ARNT: variants seen among roughly 807,000 people sequenced by gnomAD.
ARNT encodes the protein aryl hydrocarbon receptor nuclear translocator.
ARNT carries 30 observed loss-of-function variants against 105.0 expected under a neutral mutation model. The ratio of observed to expected loss-of-function variants is 0.29; its 90% confidence interval spans 0.21 to 0.39. ARNT has a LOEUF of 0.39. Ranked by LOEUF, ARNT falls within the 10% of genes least tolerant of loss-of-function variation. The pLI, the probability that ARNT is intolerant of heterozygous loss-of-function variation, is 1.00. For synonymous variants in ARNT, 304 were observed against 344.0 expected (o/e 0.88, Z 1.29); for missense variants, 748 against 978.7 (o/e 0.76, Z 3.15).
intron 5 of ARNT, among the ~76,000 whole-genome samples, chr1:150,840,172 T>A (rs1661020740): frequency 6.6e-6 from 1 of 151,214 alleles, no homozygotes; most frequent in South Asian, 2.1e-4. Flanking sequence ...ATCTGGGAGG[T>A]GGAGGTTGCA....
rs1271764160 is a variant in ARNT, at chr1:150,816,802, C to T, written c.1788G>A (p.Pro596=). The change falls in exon 18 of 22, where the codon CCG becomes CCA. Residue 596 remains proline, a synonymous_variant. Transcript: ENST00000358595. The stretch of plus-strand genomic sequence containing the variant: ...ACGGGGCTCACCTGAAATTCTCTGC[C>T]GGCCGGGGGGTAGGAGGGAATGTGT... ...QGNTFPPTPR[P]AENFRNSGLA... 2.5e-6 allele frequency: 4 copies of T among 1,580,972 alleles called. No homozygotes were observed. Among genetic ancestry groups the T allele is most frequent in the African/African-American group, 1.4e-5 (1 of 72,382 alleles).
At chr1:150,858,548 A>T in intron 1 of ARNT, 88 bp from the exon 2 acceptor site, 2 of 1,046,966 alleles carry the variant, frequency 1.9e-6, no homozygotes, top group Non-Finnish European at 2.8e-6. Context: ...AGAAAGGTTC[A>T]AGCTATAGAC....
chr1:150,834,696 G>A, intron 7 of ARNT, 56 bp from the exon 8 acceptor site: 1 of 1,478,108 alleles, frequency 6.8e-7, no homozygotes, highest in Non-Finnish European at 9.5e-7. Context: ...GGGGAAGAGG[G>A]GGAGAGATAC....
chr1:150,857,453 C>A (rs1664838996), intron 2 of ARNT, among the ~76,000 whole-genome samples: 1 of 152,182 alleles, frequency 6.6e-6, no homozygotes, highest in South Asian at 2.1e-4. Context: ...TGGTTAAAAT[C>A]TGTAAAGCTA....
intron 12 of ARNT, among the ~76,000 whole-genome samples, chr1:150,826,978 C>T (rs1658418018): frequency 6.6e-6 from 1 of 151,930 alleles, no homozygotes; most frequent in South Asian, 2.1e-4. Context: ...ATCTAACTGG[C>T]CTGGTCCATC....
At position 150,824,340 on chromosome 1, in the gene ARNT, C is replaced by T. The variant is rs16827741; in HGVS notation, c.1243-995G>A. 5.4e-3 allele frequency among the ~76,000 whole-genome samples: 821 copies of T among 151,982 alleles called. 25 individuals carry two copies. In the East Asian group the frequency reaches 0.091, roughly 17 times the overall value. ...ATCCATTAAAGATACTCTGACCTAG[C>T]TTTACAAGTCTATACCAGAAATTTG... On this transcript the variant is annotated intron_variant, in intron 13 of 21. Coordinates refer to ENST00000358595, the MANE Select transcript of ARNT (RefSeq NM_001668.4).
At chr1:150,861,231 G>C (rs775799292) in intron 1 of ARNT, 6 of 361,826 alleles carry the variant, frequency 1.7e-5, no homozygotes, top group South Asian at 1.2e-4. Context: ...ATAAAACTGG[G>C]TGCAGTGGTG....
intron 4 of ARNT, among the ~76,000 whole-genome samples, chr1:150,843,457 C>G (rs1661623424): frequency 6.6e-6 from 1 of 152,040 alleles, no homozygotes; most frequent in Admixed American, 6.6e-5. Flanking sequence ...ATACAATAAC[C>G]TTATCAATAT....
At chr1:150,821,162 T>A (rs1656981349) in intron 14 of ARNT, among the ~76,000 whole-genome samples, 1 of 152,254 alleles carries the variant, frequency 6.6e-6, no homozygotes, top group Non-Finnish European at 1.5e-5. Flanking sequence ...TCTTACAAGA[T>A]GACTTACAAG....
At chr1:150,823,163 C>CA (rs1201074401) in intron 14 of ARNT, 31 bp downstream of exon 14, 1 of 1,486,734 alleles carries the variant, frequency 6.7e-7, no homozygotes, top group East Asian at 2.4e-5. Context: ...AGAGGAAAAA[C>CA]AGTTTTTTCA....
intron 14 of ARNT, among the ~76,000 whole-genome samples, chr1:150,822,588 C>A (rs587734117): frequency 6.6e-6 from 1 of 152,302 alleles, no homozygotes; most frequent in East Asian, 1.9e-4. Flanking sequence ...GCACTCCTTC[C>A]TCCTTACCTT....
intron 1 of ARNT, among the ~76,000 whole-genome samples, chr1:150,874,268 A>T (rs1288167672): frequency 6.6e-6 from 1 of 152,234 alleles, no homozygotes; most frequent in Non-Finnish European, 1.5e-5. Context: ...TCCACAATGT[A>T]TCTCTGATCT....
intron 2 of ARNT, among the ~76,000 whole-genome samples, chr1:150,853,837 C>T (rs1193863241): frequency 6.6e-6 from 1 of 152,192 alleles, no homozygotes; most frequent in Non-Finnish European, 1.5e-5. Flanking sequence ...CCCTTATAAT[C>T]TCTGTACACT....
chr1:150,863,977 T>C (rs936387774), intron 1 of ARNT, among the ~76,000 whole-genome samples: 19 of 152,178 alleles, frequency 1.2e-4, no homozygotes, highest in African/African-American at 3.9e-4. Context: ...GTGAATATCA[T>C]TGAGTATACT....
intron 7 of ARNT, 172 bp from the exon 8 acceptor site, chr1:150,834,812 A>C: frequency 1.9e-6 from 1 of 523,046 alleles, no homozygotes; most frequent in Non-Finnish European, 3.5e-6. Context: ...AAAATACTTC[A>C]ATTATCATCA....
At chr1:150,846,876 C>T (rs1662315104) in intron 3 of ARNT, among the ~76,000 whole-genome samples, 1 of 152,122 alleles carries the variant, frequency 6.6e-6, no homozygotes, top group Non-Finnish European at 1.5e-5. Flanking sequence ...CAGTAATTGT[C>T]TTTTTGTTAT....
intron 1 of ARNT, among the ~76,000 whole-genome samples, chr1:150,867,373 A>T (rs1461802776): frequency 6.8e-6 from 1 of 147,742 alleles, no homozygotes; most frequent in Non-Finnish European, 1.5e-5. Context: ...CTATAAATTA[A>T]AAAAAAAAAA....
chr1:150,814,492 C>G (rs988286736), intron 19 of ARNT, among the ~76,000 whole-genome samples: 1 of 152,320 alleles, frequency 6.6e-6, no homozygotes, highest in African/African-American at 2.4e-5. Flanking sequence ...ATGAAAGCAT[C>G]TTATAAACTG....
chr1:150,846,232 T>C, intron 4 of ARNT, 31 bp downstream of exon 4: 1 of 1,568,930 alleles, frequency 6.4e-7, no homozygotes, highest in Non-Finnish European at 8.8e-7. Context: ...TCATATTATA[T>C]ATTACAATAT....
Sources: allele counts gnomAD v4.1 joint callset (sites outside exome capture counted in the v4.1 genomes callset), GRCh38; gene constraint gnomAD v4.1.1; transcripts MANE v1.5; gene names NCBI Gene and HGNC (gene_info 2026-07-23, HGNC 2026-07-21).